The following RBFOX3 variants were observed in gnomAD, a reference collection of about 807,000 sequenced individuals.
RBFOX3 encodes RNA binding fox-1 homolog 3, also known as RNA binding protein fox-1 homolog 3.
RBFOX3 carries 17 observed loss-of-function variants against 48.7 expected under a neutral mutation model. The observed-to-expected ratio is 0.35, with a 90% CI of 0.24 to 0.52. The LOEUF is 0.52. RBFOX3 is among the 20% of genes least tolerant of loss of function. The pLI is 0.94. For missense variants in RBFOX3, 382 were observed against 497.5 expected, an observed-to-expected ratio of 0.77 and a Z score of 2.21; for synonymous variants, 212 against 209.5, an observed-to-expected ratio of 1.01 and a Z score of -0.10.
chr17:79,378,081 C>T (rs7219715), intron 2 of RBFOX3, among the ~76,000 whole-genome samples: 12,044 of 152,218 alleles, frequency 0.079, 1,557 homozygotes, highest in African/African-American at 0.27. Flanking sequence ...CACAAGTGCC[C>T]GGACCCCGTG....
chr17:79,520,929 G>C (rs1215770267), intron 1 of RBFOX3, among the ~76,000 whole-genome samples: 6 of 152,242 alleles, frequency 3.9e-5, no homozygotes, highest in African/African-American at 1.4e-4. Context: ...ATGCAACTGG[G>C]AGGCCCTTGT....
upstream of RBFOX3, among the ~76,000 whole-genome samples, chr17:79,613,133 C>T (rs976784445): frequency 8.5e-5 from 13 of 152,322 alleles, no homozygotes; most frequent in Non-Finnish European, 1.8e-4. Flanking sequence ...GCATAGGGCC[C>T]GGTAAATCAT....
At position 79,477,542 on chromosome 17, in the gene RBFOX3, C is replaced by A. The variant is rs565764622; in HGVS notation, c.-175+4912G>T. Among the ~76,000 whole-genome samples, 1,226 of 148,522 alleles carry A rather than the reference C, an allele frequency of 8.3e-3. 15 individuals carry two copies. Among genetic ancestry groups the A allele is most frequent in the African/African-American group, 0.029 (1,170 of 40,518 alleles). ...TCGCACTCCAGCCTGGGCGACAGAG[C>A]GAAACTCCGTCACCGGAAAAAAAAA... On this transcript the variant is annotated intron_variant, in intron 2 of 14. Transcript: ENST00000693108. This position sits in a 1 kb window ranked among gnomAD's most constrained non-coding sequence, Gnocchi z 4.8.
chr17:79,612,539 T>C (rs970532454), upstream of RBFOX3, among the ~76,000 whole-genome samples: 919 of 152,300 alleles, frequency 6.0e-3, 17 homozygotes, highest in East Asian at 0.024. Context: ...ATGAGCGTCA[T>C]GCTTTTAATT....
intron 2 of RBFOX3, among the ~76,000 whole-genome samples, chr17:79,379,719 C>T (rs1417673448): frequency 1.3e-5 from 2 of 152,176 alleles, no homozygotes; most frequent in Non-Finnish European, 2.9e-5. Context: ...CGGATGGACT[C>T]ATCTGCGCCC....
intron 2 of RBFOX3, among the ~76,000 whole-genome samples, chr17:79,447,373 C>T (rs1555738937): frequency 6.6e-6 from 1 of 152,212 alleles, no homozygotes; most frequent in Non-Finnish European, 1.5e-5. Flanking sequence ...GTCCCACAAA[C>T]TGCCACTCCC....
At chr17:79,644,257 A>G in the RBFOX3 span, among the ~76,000 whole-genome samples, 7 of 149,790 alleles carry the variant, frequency 4.7e-5, no homozygotes, top group African/African-American at 1.7e-4. Context: ...CAAAACATTC[A>G]AAGAAGAAAT....
intron 1 of RBFOX3, among the ~76,000 whole-genome samples, chr17:79,527,355 A>G (rs2086936179): frequency 6.6e-6 from 1 of 152,084 alleles, no homozygotes; most frequent in Non-Finnish European, 1.5e-5. Context: ...CTTTTTGGAA[A>G]CGCCCATCCT....
At chr17:79,541,738 G>C (rs2089725524) in intron 1 of RBFOX3, among the ~76,000 whole-genome samples, 1 of 152,228 alleles carries the variant, frequency 6.6e-6, no homozygotes, top group Non-Finnish European at 1.5e-5. Context: ...CCCGGAGCAG[G>C]ATTTCAGTGG....
chr17:79,183,848 C>T (rs1383483807), intron 4 of RBFOX3, among the ~76,000 whole-genome samples: 2 of 152,176 alleles, frequency 1.3e-5, no homozygotes, highest in African/African-American at 4.8e-5. Flanking sequence ...ACCCCTCGCC[C>T]GCCGGCACCG....
rs938899402 is a variant in RBFOX3 at position 79,090,653 on chromosome 17, G to C, written c.*230C>G. The stretch of plus-strand genomic sequence containing the variant: ...ACTGTGCTGCCAGCCAGGACGCGGT[G>C]GGGCCGTCCTGTCCTGGGGCCGCTC... On this transcript the variant is annotated 3_prime_UTR_variant, in exon 15 of 15. Coordinates refer to ENST00000693108, the MANE Select transcript of RBFOX3 (RefSeq NM_001350451.2). The C allele has an allele frequency of 1.2e-4, 67 of 536,814 alleles. No individual in the cohort carries two copies. In the Middle Eastern group the frequency reaches 1.5e-3, roughly 12 times the overall value. 33.3% of individuals were successfully genotyped at this position (536,814 alleles called of 1,614,324 possible).
At chr17:79,130,889 G>C (rs1346231302) in intron 4 of RBFOX3, among the ~76,000 whole-genome samples, 1 of 152,272 alleles carries the variant, frequency 6.6e-6, no homozygotes, top group Non-Finnish European at 1.5e-5. Flanking sequence ...TTCCTCATCA[G>C]TGAAGATCCA....
chr17:79,326,803 A>G (rs2079401392), intron 2 of RBFOX3, among the ~76,000 whole-genome samples: 1 of 152,228 alleles, frequency 6.6e-6, no homozygotes, highest in African/African-American at 2.4e-5. Flanking sequence ...CCCTCTAGAA[A>G]AGACAGCTAC....
chr17:79,456,531 G>C (rs2074525782), intron 2 of RBFOX3, among the ~76,000 whole-genome samples: 1 of 152,024 alleles, frequency 6.6e-6, no homozygotes, highest in African/African-American at 2.4e-5. Context: ...CTTTGCGCTG[G>C]GTTCCCAAAG....
chr17:79,190,726 G>T (rs968330536), intron 4 of RBFOX3, among the ~76,000 whole-genome samples: 2 of 152,202 alleles, frequency 1.3e-5, no homozygotes, highest in African/African-American at 4.8e-5. Context: ...GGCTTTGAAA[G>T]AGTGACAAGG....
In RBFOX3 at chr17:79,535,759, C is replaced by T. The variant is rs191255326; in HGVS notation, c.-319-53161G>A. 3.3e-5 allele frequency among the ~76,000 whole-genome samples: 5 copies of T among 152,198 alleles called. No individual in the cohort carries two copies. The highest frequency in any genetic ancestry group is 5.9e-5 in the Non-Finnish European group (4 of 68,030). ...CACCCAGGAAGCCTGCAGCACTGAG[C>T]CGTCTGCATTTGCTAGGGCCACCAG... On this transcript the variant is annotated intron_variant, in intron 1 of 14. Transcript: ENST00000693108. This position sits in a 1 kb window ranked among gnomAD's most constrained non-coding sequence, Gnocchi z 4.5.
chr17:79,162,568 G>GT, intron 4 of RBFOX3, among the ~76,000 whole-genome samples: 1 of 152,256 alleles, frequency 6.6e-6, no homozygotes, highest in Non-Finnish European at 1.5e-5. Context: ...TGAGATTTTA[G>GT]TAATTCAATT....
chr17:79,581,393 G>T (rs2144811649), intron 1 of RBFOX3, among the ~76,000 whole-genome samples: 1 of 152,346 alleles, frequency 6.6e-6, no homozygotes, highest in African/African-American at 2.4e-5. Flanking sequence ...CTCCTTCAGG[G>T]GTTGCCCTTA....
At chr17:79,246,082 G>A (rs999203428) in intron 3 of RBFOX3, among the ~76,000 whole-genome samples, 4 of 151,926 alleles carry the variant, frequency 2.6e-5, no homozygotes, top group African/African-American at 9.7e-5. Flanking sequence ...TCATTTTCCT[G>A]CCCTCTCTGT....
Sources: allele counts gnomAD v4.1 joint callset (sites outside exome capture counted in the v4.1 genomes callset), GRCh38; gene constraint gnomAD v4.1.1; non-coding constraint Gnocchi (gnomAD v3.1); transcripts MANE v1.5; gene names NCBI Gene and HGNC (gene_info 2026-07-23, HGNC 2026-07-21).